The following USP10 variants were observed in gnomAD, a reference collection of about 807,000 sequenced individuals.
USP10 encodes ubiquitin carboxyl-terminal hydrolase 10.
In USP10, 22 loss-of-function variants were observed where a neutral mutation model predicts 84.5. The ratio of observed to expected loss-of-function variants is 0.26; its 90% confidence interval spans 0.19 to 0.37. The LOEUF (loss-of-function observed/expected upper bound fraction) is 0.37. Ranked by LOEUF, USP10 falls within the 10% of genes least tolerant of loss-of-function variation. The pLI is 1.00. For synonymous variants in USP10, 454 were observed against 387.6 expected, an observed-to-expected ratio of 1.17 and a Z score of -2.01; for missense variants, 1,019 against 998.9, an observed-to-expected ratio of 1.02 and a Z score of -0.27.
intron 3 of USP10, among the ~76,000 whole-genome samples, chr16:84,744,233 T>A (rs1055479917): frequency 3.9e-5 from 6 of 152,198 alleles, no homozygotes; most frequent in African/African-American, 1.2e-4. Context: ...CCTAAGTTAG[T>A]TGTCATGATC....
intron 4 of USP10, among the ~76,000 whole-genome samples, chr16:84,756,421 T>TCG (rs1259760801): frequency 1.2e-4 from 19 of 152,268 alleles, no homozygotes; most frequent in African/African-American, 4.6e-4. Flanking sequence ...GGTGAAATCC[T>TCG]GTCTCTCCTA....
intron 4 of USP10, among the ~76,000 whole-genome samples, chr16:84,755,946 C>G (rs555453546): frequency 6.6e-6 from 1 of 152,202 alleles, no homozygotes; most frequent in Admixed American, 6.5e-5. Context: ...TTGTATTCCT[C>G]CTCTAGTTGG....
At chr16:84,735,201 G>A (rs879467944) in intron 2 of USP10, among the ~76,000 whole-genome samples, 5,609 of 52,638 alleles carry the variant, frequency 0.11, 142 homozygotes, top group East Asian at 0.36. Flanking sequence ...CGGGTGGTGT[G>A]TGTGTGTGTG....
intron 1 of USP10, among the ~76,000 whole-genome samples, chr16:84,712,415 C>A (rs569164972): frequency 6.6e-6 from 1 of 152,330 alleles, no homozygotes; most frequent in African/African-American, 2.4e-5. Context: ...TATGGTCTGG[C>A]TGCCCCAGTG....
intron 4 of USP10, among the ~76,000 whole-genome samples, chr16:84,749,096 A>G (rs1911594475): frequency 6.6e-6 from 1 of 152,238 alleles, no homozygotes; most frequent in East Asian, 1.9e-4. Flanking sequence ...TAGTAGAGCA[A>G]TAGAGTCACA....
At chr16:84,733,544 C>A (rs769414950) in intron 2 of USP10, 41 bp downstream of exon 2, 2 of 1,346,702 alleles carry the variant, frequency 1.5e-6, no homozygotes, top group Non-Finnish European at 2.1e-6. Context: ...TGGGTAGATA[C>A]AATTAATAGT....
chr16:84,732,956 A>G (rs1270598310), intron 1 of USP10: 5 of 401,856 alleles, frequency 1.2e-5, no homozygotes, highest in Non-Finnish European at 1.9e-5. Context: ...GAAGTTATAT[A>G]GATATTTTTA....
chr16:84,752,995 C>G (rs1169863058), intron 4 of USP10, among the ~76,000 whole-genome samples: 1 of 151,726 alleles, frequency 6.6e-6, no homozygotes, highest in Non-Finnish European at 1.5e-5. Flanking sequence ...GAAACAGGGT[C>G]TTGCTCATTC....
At chr16:84,769,739 T>C (rs982996115) in intron 11 of USP10, among the ~76,000 whole-genome samples, 3 of 152,282 alleles carry the variant, frequency 2.0e-5, no homozygotes, top group Non-Finnish European at 4.4e-5. Flanking sequence ...GGTCAGCCTT[T>C]CCATGGGCTG....
intron 1 of USP10, among the ~76,000 whole-genome samples, chr16:84,705,273 C>T (rs892706228): frequency 1.3e-5 from 2 of 152,026 alleles, no homozygotes; most frequent in East Asian, 1.9e-4. Flanking sequence ...GCTCTGTCGC[C>T]CAGGCTGGAG....
rs141721671 is a variant in USP10, at chr16:84,729,050, G to A, written c.22-4385G>A. On this transcript the variant is annotated intron_variant, in intron 1 of 13. Coordinates refer to ENST00000219473, the MANE Select transcript of USP10 (RefSeq NM_005153.3). ...TGAAGTCAAGTGATCTGCTCGCCTC[G>A]GCTTCTGGAAGTGACGAGATTACAA... 4.8e-3 allele frequency among the ~76,000 whole-genome samples: 732 copies of A among 152,172 alleles called. 7 individuals carry two copies. The highest frequency in any genetic ancestry group is 0.017 in the African/African-American group (707 of 41,524).
chr16:84,776,263 G>A (rs911903443), intron 13 of USP10, among the ~76,000 whole-genome samples: 13 of 152,238 alleles, frequency 8.5e-5, no homozygotes, highest in Admixed American at 4.6e-4. Context: ...GAAGTTTGGC[G>A]AGTGGGTGAG....
chr16:84,750,404 C>A (rs377234102), intron 4 of USP10, among the ~76,000 whole-genome samples: 767 of 105,504 alleles, frequency 7.3e-3, no homozygotes, highest in Middle Eastern at 9.7e-3. Context: ...GAGACTGTCT[C>A]AAAAAAAAAA....
chr16:84,710,853 G>A (rs1906191503), intron 1 of USP10, among the ~76,000 whole-genome samples: 1 of 152,190 alleles, frequency 6.6e-6, no homozygotes, highest in African/African-American at 2.4e-5. Flanking sequence ...GGCTCAGGTT[G>A]CAGGTCGTCC....
At chr16:84,732,209 T>C (rs1257545257) in intron 1 of USP10, among the ~76,000 whole-genome samples, 1 of 152,226 alleles carries the variant, frequency 6.6e-6, no homozygotes, top group African/African-American at 2.4e-5. Flanking sequence ...TATTCATTTA[T>C]GTAATATTTA....
intron 1 of USP10, among the ~76,000 whole-genome samples, chr16:84,723,793 C>G (rs1280931933): frequency 6.6e-6 from 1 of 152,190 alleles, no homozygotes; most frequent in Admixed American, 6.5e-5. Flanking sequence ...TGAATTTTAA[C>G]AGATGTATTC....
intron 1 of USP10, among the ~76,000 whole-genome samples, chr16:84,722,551 A>G (rs1057421204): frequency 2.0e-5 from 3 of 152,044 alleles, no homozygotes; most frequent in African/African-American, 4.8e-5. Context: ...GTCCTCACCA[A>G]CATTTGATAT....
In USP10 at chr16:84,745,289, G is replaced by A. The variant is rs201597070; in HGVS notation, c.808G>A (p.Ala270Thr). The change falls in exon 4 of 14, where the codon GCT becomes ACT. Residue 270 changes from alanine to threonine, a missense_variant. By Grantham distance (58) the Ala-to-Thr change is moderately conservative. Transcript: ENST00000219473. The part of the protein sequence containing the change: ...GRDTLSRTAG[A>T]QPCVGTDTTE... ...AGACACCCTGTCAAGGACAGCTGGG[G>A]CTCAGCCCTGCGTTGGTACCGATAC... The A allele has an allele frequency of 2.3e-4, 375 of 1,613,252 alleles. 1 individual carries two copies. Among genetic ancestry groups the A allele is most frequent in the Admixed American group, 3.0e-4 (18 of 60,014 alleles).
intron 1 of USP10, among the ~76,000 whole-genome samples, chr16:84,729,364 G>A (rs1280038155): frequency 6.6e-6 from 1 of 152,218 alleles, no homozygotes; most frequent in African/African-American, 2.4e-5. Flanking sequence ...CCCCTAGCTT[G>A]TGATATCGAT....
Sources: allele counts gnomAD v4.1 joint callset (sites outside exome capture counted in the v4.1 genomes callset), GRCh38; gene constraint gnomAD v4.1.1; transcripts MANE v1.5; gene names NCBI Gene and HGNC (gene_info 2026-07-23, HGNC 2026-07-21).